CLDN14: variants seen among roughly 807,000 people sequenced by gnomAD.
The protein encoded by CLDN14 is claudin 14.
A neutral mutation model predicts 2.1 loss-of-function variants in CLDN14; 2 were observed. That is an observed-to-expected ratio of 0.96 (90% CI 0.39 to 3.01). The LOEUF (loss-of-function observed/expected upper bound fraction) is 3.01, where lower values mean the gene tolerates loss of function less well. CLDN14 is among the 30% of genes most tolerant of loss of function. CLDN14 has a pLI of 0.09. For synonymous variants in CLDN14, 136 were observed against 154.4 expected, an observed-to-expected ratio of 0.88 and a Z score of 0.88; for missense variants, 298 against 328.0, an observed-to-expected ratio of 0.91 and a Z score of 0.71.
In CLDN14 at chr21:36,478,460, A is replaced by C. The variant is rs1244601682; in HGVS notation, c.-82+1035T>G. ...AGATGCTGAGATAATATATGTAAAA[A>C]CTGACAAGCCCTTTGGGACAGATAC... On this transcript the variant is annotated intron_variant, in intron 1 of 1. Transcript: ENST00000399135. Among the ~76,000 whole-genome samples the C allele has an allele frequency of 5.3e-5, 8 of 152,216 alleles. No individual in the cohort carries two copies. In the East Asian group the frequency reaches 1.3e-3, roughly 26 times the overall value.
At chr21:36,561,963 T>TTGTTTTGCTGCAAAAAATCC (rs1555855601) in intron 1 of CLDN14, among the ~76,000 whole-genome samples, 1 of 150,426 alleles carries the variant, frequency 6.6e-6, no homozygotes, top group Non-Finnish European at 1.5e-5. Flanking sequence ...TTCAAGACTC[T>TTGTTTTGCTGCAAAAAATCC]TGTTTTGCTG....
chr21:36,489,466 A>G (rs1310201724), intron 2 of CLDN14, among the ~76,000 whole-genome samples: 3 of 152,132 alleles, frequency 2.0e-5, no homozygotes, highest in South Asian at 4.1e-4. Context: ...GCCACAACAC[A>G]TGCAGCTTCC....
intron 1 of CLDN14, among the ~76,000 whole-genome samples, chr21:36,567,567 T>C (rs560746980): frequency 1.6e-4 from 25 of 152,382 alleles, no homozygotes; most frequent in South Asian, 4.1e-4. Context: ...GTTTATTTGA[T>C]TGAGCTTTAA....
At chr21:36,526,861 C>T (rs1264278987) in intron 1 of CLDN14, among the ~76,000 whole-genome samples, 1 of 152,204 alleles carries the variant, frequency 6.6e-6, no homozygotes, top group African/African-American at 2.4e-5. Context: ...TGAGAAATCT[C>T]ATTAGCACAA....
chr21:36,509,173 TTTGG>T (rs1254702560), intron 2 of CLDN14, among the ~76,000 whole-genome samples: 2 of 152,216 alleles, frequency 1.3e-5, no homozygotes, highest in Non-Finnish European at 2.9e-5. Context: ...TCTGACTCTC[TTTGG>T]TTGAGCAGGA....
chr21:36,514,389 G>A (rs2087208087), intron 1 of CLDN14, among the ~76,000 whole-genome samples: 1 of 152,168 alleles, frequency 6.6e-6, no homozygotes, highest in Non-Finnish European at 1.5e-5. Flanking sequence ...CCCCATGGCC[G>A]TGCTGTGGTG....
intron 2 of CLDN14, among the ~76,000 whole-genome samples, chr21:36,506,946 C>T (rs2087138930): frequency 6.6e-6 from 1 of 151,886 alleles, no homozygotes; most frequent in Admixed American, 6.6e-5. Flanking sequence ...CAGCAAGACC[C>T]TGTCTCTAAA....
intron 1 of CLDN14, among the ~76,000 whole-genome samples, chr21:36,473,410 C>T (rs1292836193): frequency 2.0e-5 from 3 of 152,192 alleles, no homozygotes; most frequent in East Asian, 1.9e-4. Context: ...TTTGGACTTG[C>T]CAGCCTTGAG....
chr21:36,485,191 T>G (rs2086882787), intron 2 of CLDN14, among the ~76,000 whole-genome samples: 1 of 151,332 alleles, frequency 6.6e-6, no homozygotes, highest in Admixed American at 6.7e-5. Context: ...TTCTATGACT[T>G]GGAGTGAGAC....
chr21:36,489,598 C>T (rs554848954), intron 2 of CLDN14, among the ~76,000 whole-genome samples: 4 of 152,144 alleles, frequency 2.6e-5, no homozygotes, highest in African/African-American at 7.2e-5. Flanking sequence ...GGGCCGGGGA[C>T]GACGGCAGAG....
At chr21:36,500,250 T>A (rs374833269) in intron 2 of CLDN14, among the ~76,000 whole-genome samples, 1 of 152,030 alleles carries the variant, frequency 6.6e-6, no homozygotes, top group Non-Finnish European at 1.5e-5. Flanking sequence ...GTACCCGCCC[T>A]CTCAGCCGGG....
At chr21:36,464,797 G>A (rs1480843477) in intron 1 of CLDN14, among the ~76,000 whole-genome samples, 1 of 152,208 alleles carries the variant, frequency 6.6e-6, no homozygotes, top group African/African-American at 2.4e-5. Flanking sequence ...TTACACATGG[G>A]GAAACGAGAG....
Position 36,461,376 on chromosome 21 carries a change from C to T in CLDN14, c.320G>A (p.Cys107Tyr). Residue 107 changes from cysteine (C) to tyrosine (Y), a missense_variant, in exon 2 of 2, where the codon TGC (cysteine) becomes TAC (tyrosine). Coordinates refer to ENST00000399135, the MANE Select transcript of CLDN14 (RefSeq NM_001146079.2). Reference sequence around the variant, plus strand: ...GGTCTTGGCGGGTGTGCCCTTGGCGCAGCGCGTGCACTTCATCCCGATGAC... The same window carrying T: ...GGTCTTGGCGGGTGTGCCCTTGGCGTAGCGCGTGCACTTCATCCCGATGAC... ...CAVIGMKCTR[C>Y]AKGTPAKTTF... 2 of 1,613,030 alleles carry T rather than the reference C, an allele frequency of 1.2e-6. No individual in the cohort carries two copies. The highest frequency in any genetic ancestry group is 1.7e-6 in the Non-Finnish European group (2 of 1,179,932).
At chr21:36,475,503 T>C (rs2086766936) in intron 1 of CLDN14, among the ~76,000 whole-genome samples, 1 of 152,176 alleles carries the variant, frequency 6.6e-6, no homozygotes, top group South Asian at 2.1e-4. Context: ...TTCGAGCTCC[T>C]CTCCCCCACC....
At chr21:36,490,417 C>T (rs1226633659) in intron 2 of CLDN14, among the ~76,000 whole-genome samples, 1 of 115,302 alleles carries the variant, frequency 8.7e-6, no homozygotes, top group African/African-American at 3.5e-5. Context: ...GTGACAGAGT[C>T]TCACTCTGTC....
intron 1 of CLDN14, chr21:36,532,087 A>G (rs961919194): frequency 2.6e-5 from 4 of 152,238 alleles, no homozygotes; most frequent in Non-Finnish European, 5.9e-5. Flanking sequence ...TCATTTTACC[A>G]ACCTCAAAAC....
chr21:36,532,563 T>C (rs1023631737), intron 1 of CLDN14, among the ~76,000 whole-genome samples: 1 of 151,912 alleles, frequency 6.6e-6, no homozygotes, highest in African/African-American at 2.4e-5. Flanking sequence ...AACCTGCATG[T>C]TGTGCACATG....
At chr21:36,541,384 A>T (rs899536915) in intron 1 of CLDN14, among the ~76,000 whole-genome samples, 1 of 152,246 alleles carries the variant, frequency 6.6e-6, no homozygotes, top group African/African-American at 2.4e-5. Flanking sequence ...GAGCCAAGTA[A>T]CAAAAGGATG....
At chr21:36,556,721 T>C (rs547643601) in intron 1 of CLDN14, among the ~76,000 whole-genome samples, 2 of 152,342 alleles carry the variant, frequency 1.3e-5, no homozygotes, top group African/African-American at 2.4e-5. Context: ...TCTCAACCAA[T>C]GGAATTGCAT....
Sources: allele counts gnomAD v4.1 joint callset (sites outside exome capture counted in the v4.1 genomes callset), GRCh38; gene constraint gnomAD v4.1.1; transcripts MANE v1.5; gene names NCBI Gene and HGNC (gene_info 2026-07-23, HGNC 2026-07-21).